The following KIAA2012 variants were observed in gnomAD, a reference collection of about 807,000 sequenced individuals.
KIAA2012 encodes the protein KIAA2012.
In KIAA2012, 125 loss-of-function variants were observed where a neutral mutation model predicts 150.6. The ratio of observed to expected loss-of-function variants is 0.83; its 90% CI spans 0.72 to 0.96. The LOEUF is 0.96. Among genes scored for constraint, KIAA2012 ranks in the 40% least tolerant of loss-of-function variants. KIAA2012 has a pLI of 0.00. For synonymous variants in KIAA2012, 462 were observed against 504.7 expected, an observed-to-expected ratio of 0.92 and a Z score of 1.13; for missense variants, 1,219 against 1,354.9, an observed-to-expected ratio of 0.90 and a Z score of 1.57.
At chr2:202,164,641 C>A (rs1691722092) in intron 14 of KIAA2012, among the ~76,000 whole-genome samples, 1 of 152,172 alleles carries the variant, frequency 6.6e-6, no homozygotes, top group Non-Finnish European at 1.5e-5. Flanking sequence ...AGATAAAGAC[C>A]AAAGTCCTCA....
At chr2:202,172,807 C>T (rs1018449601) in intron 15 of KIAA2012, among the ~76,000 whole-genome samples, 5 of 152,178 alleles carry the variant, frequency 3.3e-5, no homozygotes, top group African/African-American at 1.2e-4. Flanking sequence ...TGCCACTCAC[C>T]AGAATCTACA....
chr2:202,196,462 T>C (rs1433307208), intron 21 of KIAA2012, among the ~76,000 whole-genome samples: 1 of 152,120 alleles, frequency 6.6e-6, no homozygotes, highest in African/African-American at 2.4e-5. Context: ...CCCAAAGTGC[T>C]GGGATTACAG....
intron 9 of KIAA2012, among the ~76,000 whole-genome samples, chr2:202,108,076 C>T (rs1690247397): frequency 1.3e-5 from 2 of 152,178 alleles, no homozygotes; most frequent in South Asian, 4.1e-4. Flanking sequence ...ATAGAGGTCC[C>T]TGCTGCACGG....
chr2:202,196,021 C>G (rs909892147), intron 21 of KIAA2012, among the ~76,000 whole-genome samples: 1 of 152,072 alleles, frequency 6.6e-6, no homozygotes. Context: ...ACATGCTCAT[C>G]TCCTCTCCTT....
chr2:202,185,723 A>C (rs1430990352), intron 16 of KIAA2012, among the ~76,000 whole-genome samples: 1 of 151,750 alleles, frequency 6.6e-6, no homozygotes, highest in Non-Finnish European at 1.5e-5. Context: ...GGGATTCCTG[A>C]CCTACAGATT....
chr2:202,177,175 T>C (rs927279010), intron 15 of KIAA2012, among the ~76,000 whole-genome samples: 12 of 152,194 alleles, frequency 7.9e-5, no homozygotes, highest in African/African-American at 2.9e-4. Flanking sequence ...TTTTGCCTTA[T>C]TAAGCAAAAT....
intron 15 of KIAA2012, among the ~76,000 whole-genome samples, chr2:202,166,691 A>G (rs548412939): frequency 2.0e-5 from 3 of 151,724 alleles, no homozygotes; most frequent in South Asian, 2.1e-4. Flanking sequence ...AAAAGGATCA[A>G]TTTTCTCCCC....
chr2:202,144,747 T>C (rs1253032549), intron 13 of KIAA2012, among the ~76,000 whole-genome samples: 2 of 152,142 alleles, frequency 1.3e-5, no homozygotes, highest in East Asian at 3.9e-4. Context: ...ATCCCAGCAC[T>C]TTGGGAGGCC....
At chr2:202,124,179 G>A (rs980567285) in intron 11 of KIAA2012, among the ~76,000 whole-genome samples, 6 of 152,192 alleles carry the variant, frequency 3.9e-5, no homozygotes, top group South Asian at 4.1e-4. Flanking sequence ...GTGACAGAGC[G>A]AAACTCTATC....
chr2:202,145,214 C>T (rs1295806891), intron 13 of KIAA2012, among the ~76,000 whole-genome samples: 3 of 152,208 alleles, frequency 2.0e-5, no homozygotes, highest in South Asian at 2.1e-4. Context: ...TTTTCCAAGA[C>T]ACTGCCAACG....
chr2:202,076,936 A>AT (rs1384164622), intron 2 of KIAA2012: 1 of 456,382 alleles, frequency 2.2e-6, no homozygotes, highest in Non-Finnish European at 4.4e-6. Flanking sequence ...TTCTAGTTGA[A>AT]TTTGCCAATG....
At position 202,184,827 on chromosome 2, in the gene KIAA2012, G is replaced by C. The variant is rs770967654; in HGVS notation, c.2194G>C (p.Asp732His). 33 of 1,548,602 alleles carry C rather than the reference G, an allele frequency of 2.1e-5. No homozygotes were observed. The highest frequency in any genetic ancestry group is 2.8e-5 in the Non-Finnish European group (32 of 1,146,222). ...RTEHIQTPEA[D>H]IVQKVGRDYD... Reference sequence around the variant, plus strand: ...TGAGCACATCCAGACCCCAGAAGCAGATATTGTGCAAAAAGTGTAAGTGTT... The same window carrying C: ...TGAGCACATCCAGACCCCAGAAGCACATATTGTGCAAAAAGTGTAAGTGTT... Residue 732 changes from aspartate to histidine, a missense_variant, in exon 16 of 24, where the codon GAT becomes CAT. Physicochemically the swap from Asp to His is moderately conservative, Grantham distance 81. Coordinates refer to ENST00000498697, the MANE Select transcript of KIAA2012 (RefSeq NM_001277372.4).
chr2:202,134,000 T>C (rs1691011645), intron 12 of KIAA2012, among the ~76,000 whole-genome samples: 1 of 152,156 alleles, frequency 6.6e-6, no homozygotes, highest in Non-Finnish European at 1.5e-5. Context: ...TTTTTAATAA[T>C]CTGGAATTTG....
rs995995559 is a variant in KIAA2012, at chr2:202,187,103, G to C, written c.2376+5G>C. ...ACATCAGCCAACATCAGTCATGTGA[G>C]TGTAAACCCCTAAAAGCTTGGTCCA... On this transcript the variant is annotated splice_donor_5th_base_variant and intron_variant, in intron 17 of 23. Transcript: ENST00000498697. 7 of 1,550,204 alleles carry C rather than the reference G, an allele frequency of 4.5e-6. No homozygotes were observed. The highest frequency in any genetic ancestry group is 6.1e-6 in the Non-Finnish European group (7 of 1,146,822).
intron 15 of KIAA2012, among the ~76,000 whole-genome samples, chr2:202,171,372 C>A (rs1298911694): frequency 6.6e-6 from 1 of 152,116 alleles, no homozygotes; most frequent in African/African-American, 2.4e-5. Context: ...GCAGCAGGCG[C>A]GCTGGGAGCA....
intron 21 of KIAA2012, 37 bp from the exon 22 acceptor site, chr2:202,196,763 G>T (rs1340655318): frequency 2.0e-6 from 3 of 1,525,464 alleles, no homozygotes; most frequent in African/African-American, 2.8e-5. Context: ...CCCTAAAAAT[G>T]ATCCCTGCTG....
At chr2:202,073,778 G>A (rs1458791853) in intron 1 of KIAA2012, 67 bp downstream of exon 1, 28 of 1,401,866 alleles carry the variant, frequency 2.0e-5, no homozygotes, top group Non-Finnish European at 2.5e-5. Flanking sequence ...GTTTCCACTT[G>A]GGAGGTAAAC....
rs1690966654 is a variant in KIAA2012, at chr2:202,132,701, T to TA, written c.1832-5730dup. On this transcript the variant is annotated intron_variant, in intron 12 of 23. Transcript: ENST00000498697. ...ATACATATATATATATGTATGTATA[T>TA]ATATATGTATATATGTATATATATA... Among the ~76,000 whole-genome samples, 25 of 95,674 alleles carry TA rather than the reference T, an allele frequency of 2.6e-4. 1 individual carries two copies. In the Admixed American group the frequency reaches 3.1e-3, roughly 12 times the overall value. The allele number at this position is 95,674 out of a possible 152,430, so 62.8% of individuals were successfully genotyped here.
chr2:202,089,614 A>G (rs1689665833), intron 2 of KIAA2012, among the ~76,000 whole-genome samples: 1 of 152,206 alleles, frequency 6.6e-6, no homozygotes, highest in South Asian at 2.1e-4. Context: ...AGTGGGTTTC[A>G]TTTCTCATGC....
Sources: gnomAD v4.1 joint callset for allele counts (sites outside exome capture counted in the v4.1 genomes callset) on GRCh38, gnomAD v4.1.1 for gene constraint, MANE v1.5 for transcripts, NCBI Gene and HGNC (gene_info 2026-07-23, HGNC 2026-07-21) for gene names.